MTREX: variants seen among roughly 807,000 people sequenced by gnomAD.
MTREX encodes exosome RNA helicase MTR4.
A neutral mutation model predicts 135.4 loss-of-function variants in MTREX; 76 were observed. That is an observed-to-expected ratio of 0.56 (90% CI 0.47 to 0.68). The LOEUF (loss-of-function observed/expected upper bound fraction) is 0.68, where lower values mean the gene tolerates loss of function less well. Among genes scored for constraint, MTREX ranks in the 30% least tolerant of loss-of-function variants. The probability of loss-of-function intolerance (pLI) is 0.00; values close to 1 mark genes in which losing one functional copy is unlikely to be tolerated. For synonymous variants in MTREX, 404 were observed against 401.6 expected, an observed-to-expected ratio of 1.01 and a Z score of -0.07; for missense variants, 920 against 1,262.1, an observed-to-expected ratio of 0.73 and a Z score of 4.11.
At chr5:55,348,517 G>C (rs967321051) in intron 11 of MTREX, among the ~76,000 whole-genome samples, 1 of 152,160 alleles carries the variant, frequency 6.6e-6, no homozygotes, top group Non-Finnish European at 1.5e-5. Flanking sequence ...ACAGTGAAAA[G>C]TAAATAATAT....
intron 5 of MTREX, among the ~76,000 whole-genome samples, chr5:55,330,853 A>C (rs1195525428): frequency 2.0e-5 from 3 of 152,084 alleles, no homozygotes; most frequent in Admixed American, 6.5e-5. Context: ...AGCCCACTGA[A>C]GCTGTGTTTA....
At chr5:55,350,209 G>C (rs1749804312) in intron 12 of MTREX, among the ~76,000 whole-genome samples, 1 of 152,200 alleles carries the variant, frequency 6.6e-6, no homozygotes, top group African/African-American at 2.4e-5. Flanking sequence ...CTGAGAAATA[G>C]TGCTTTAGAC....
chr5:55,308,220 G>C, intron 1 of MTREX, 73 bp downstream of exon 1: 1 of 1,490,202 alleles, frequency 6.7e-7, no homozygotes, highest in Non-Finnish European at 9.0e-7. Context: ...ACTCTCTTAG[G>C]AAGAGCACGA....
chr5:55,362,726 C>T (rs1473720259), intron 15 of MTREX, among the ~76,000 whole-genome samples: 9 of 152,056 alleles, frequency 5.9e-5, no homozygotes, highest in Admixed American at 5.9e-4. Flanking sequence ...AATCAGTTTT[C>T]ATAATGTGTG....
At chr5:55,350,894 A>T (rs1163098673) in intron 12 of MTREX, 25 bp from the exon 13 acceptor site, 1 of 1,530,880 alleles carries the variant, frequency 6.5e-7, no homozygotes, top group African/African-American at 1.4e-5. Flanking sequence ...ATCATTATAA[A>T]ATCAGTGTTA....
At chr5:55,386,550 A>C (rs554008881) in intron 18 of MTREX, among the ~76,000 whole-genome samples, 1 of 152,308 alleles carries the variant, frequency 6.6e-6, no homozygotes, top group East Asian at 1.9e-4. Context: ...GTGTTTCCAT[A>C]GTAACACTTG....
chr5:55,342,303 G>A (rs1466517001), intron 7 of MTREX, among the ~76,000 whole-genome samples: 1 of 152,152 alleles, frequency 6.6e-6, no homozygotes, highest in Non-Finnish European at 1.5e-5. Flanking sequence ...GGTGAGAAAT[G>A]CAAATTCAAA....
intron 7 of MTREX, among the ~76,000 whole-genome samples, chr5:55,342,392 C>G (rs1354953073): frequency 1.3e-5 from 2 of 152,184 alleles, no homozygotes; most frequent in Non-Finnish European, 2.9e-5. Flanking sequence ...TCTAAAACTT[C>G]TAGCTTGCAA....
chr5:55,425,426 C>A lies in MTREX; in HGVS notation c.*654C>A. The A allele has an allele frequency of 8.3e-7, 1 of 1,204,982 alleles. No individual in the cohort carries two copies. The highest frequency in any genetic ancestry group is 2.4e-5 in the East Asian group (1 of 40,936). The allele number at this position is 1,204,982 out of a possible 1,614,324, so 74.6% of individuals were successfully genotyped here. ...AACAGCATCCTAAGATAAATATAAA[C>A]AAAAGGATATACTTTGAGGTGTACA... is the stretch of plus-strand genomic sequence containing the variant. On this transcript the variant is annotated 3_prime_UTR_variant, in exon 27 of 27. Transcript: ENST00000230640.
chr5:55,416,755 T>C (rs1392950163), intron 25 of MTREX, among the ~76,000 whole-genome samples: 1 of 152,182 alleles, frequency 6.6e-6, no homozygotes, highest in African/African-American at 2.4e-5. Flanking sequence ...AAAGATTGGT[T>C]TGTGTGTTTA....
At chr5:55,406,683 A>C (rs1482070582) in intron 22 of MTREX, among the ~76,000 whole-genome samples, 1 of 152,126 alleles carries the variant, frequency 6.6e-6, no homozygotes, top group East Asian at 1.9e-4. Flanking sequence ...CTGTGTCTAC[A>C]CTGTTCAGTA....
chr5:55,344,749 C>T (rs925991532), intron 9 of MTREX, 129 bp downstream of exon 9: 2 of 595,986 alleles, frequency 3.4e-6, no homozygotes, highest in Non-Finnish European at 5.7e-6. Flanking sequence ...TAGTTTTAAT[C>T]AATCGATCTT....
intron 15 of MTREX, among the ~76,000 whole-genome samples, chr5:55,362,849 A>G (rs755618153): frequency 6.6e-6 from 1 of 152,234 alleles, no homozygotes; most frequent in Non-Finnish European, 1.5e-5. Flanking sequence ...TTTTTCCAGT[A>G]TAACTAGAAG....
At position 55,378,464 on chromosome 5, in the gene MTREX, T is replaced by A; in HGVS notation, c.1961T>A (p.Leu654Gln). 2.5e-6 allele frequency: 4 copies of A among 1,609,784 alleles called. No individual in the cohort carries two copies. Among genetic ancestry groups the A allele is most frequent in the Non-Finnish European group, 3.4e-6 (4 of 1,178,822 alleles). ...AAACCAAAATACTGCTTACCTTTTC[T>A]ACAACCAGGTCGTTTGGTAAAGGTA... ...IHKPKYCLPF[L>Q]QPGRLVKVKN... is the part of the protein sequence containing the mutation. The change falls in exon 17 of 27, where the codon CTA (leucine) becomes CAA (glutamine). Residue 654 changes from leucine (L) to glutamine (Q), a missense_variant. Leu to Gln is a moderately radical substitution (Grantham distance 113, BLOSUM62 -2). Coordinates refer to ENST00000230640, the MANE Select transcript of MTREX (RefSeq NM_015360.5).
intron 24 of MTREX, 94 bp downstream of exon 24, chr5:55,414,332 CA>C: frequency 9.9e-7 from 1 of 1,005,470 alleles, no homozygotes; most frequent in Non-Finnish European, 1.4e-6. Flanking sequence ...AGTAGTTTAT[CA>C]TTTCACAGAG....
intron 13 of MTREX, 68 bp downstream of exon 13, chr5:55,351,097 CA>C: frequency 6.8e-7 from 1 of 1,461,858 alleles, no homozygotes; most frequent in African/African-American, 1.4e-5. Flanking sequence ...AATGAGAGAA[CA>C]TTGTTTATAG....
chr5:55,340,210 CTT>C, intron 6 of MTREX, 26 bp downstream of exon 6: 1 of 1,474,188 alleles, frequency 6.8e-7, no homozygotes. Context: ...CCTCATCTGA[CTT>C]TTCGTTTTTA....
chr5:55,372,135 G>A (rs1196975710), intron 16 of MTREX, among the ~76,000 whole-genome samples: 1 of 152,248 alleles, frequency 6.6e-6, no homozygotes, highest in Admixed American at 6.5e-5. Context: ...CATCATTTCA[G>A]TGTGCAGTCT....
intron 5 of MTREX, among the ~76,000 whole-genome samples, chr5:55,331,255 C>G (rs937115575): frequency 3.9e-5 from 6 of 152,016 alleles, no homozygotes; most frequent in Admixed American, 2.0e-4. Flanking sequence ...TTATTGCATG[C>G]CAAAACATTG....
Sources: allele counts gnomAD v4.1 joint callset (sites outside exome capture counted in the v4.1 genomes callset), GRCh38; gene constraint gnomAD v4.1.1; transcripts MANE v1.5; gene names NCBI Gene and HGNC (gene_info 2026-07-23, HGNC 2026-07-21).